The following PDE1C variants were observed in gnomAD, a reference collection of about 807,000 sequenced individuals.
PDE1C encodes phosphodiesterase 1C.
In PDE1C, 62 loss-of-function variants were observed where a neutral mutation model predicts 93.1. The observed-to-expected ratio is 0.67, with a 90% confidence interval of 0.54 to 0.82. PDE1C has a LOEUF of 0.82. PDE1C is among the 40% of genes least tolerant of loss of function. The probability of loss-of-function intolerance (pLI) is 0.00; values close to 1 mark genes in which losing one functional copy is unlikely to be tolerated. For synonymous variants in PDE1C, 325 were observed against 310.1 expected (o/e 1.05, Z -0.50); for missense variants, 742 against 884.6 (o/e 0.84, Z 2.04).
At chr7:31,695,405 C>T in the PDE1C span, 2 of 1,461,130 alleles carry the variant, frequency 1.4e-6, no homozygotes, top group African/African-American at 1.4e-5. Flanking sequence ...AGGAACCAAA[C>T]AGTTTGTGAC....
chr7:32,275,813 T>C (rs1426130675), intron 1 of PDE1C, among the ~76,000 whole-genome samples: 2 of 152,140 alleles, frequency 1.3e-5, no homozygotes, highest in Non-Finnish European at 2.9e-5. Flanking sequence ...CCACACAGAG[T>C]TGATGAATCA....
At chr7:32,276,564 T>C (rs1811303416) in intron 1 of PDE1C, among the ~76,000 whole-genome samples, 1 of 152,170 alleles carries the variant, frequency 6.6e-6, no homozygotes, top group Non-Finnish European at 1.5e-5. Flanking sequence ...TTTGCAAGAC[T>C]GTTCTGCGTG....
intron 2 of PDE1C, among the ~76,000 whole-genome samples, chr7:32,184,745 A>G (rs1459900168): frequency 6.6e-6 from 1 of 152,194 alleles, no homozygotes; most frequent in African/African-American, 2.4e-5. Context: ...ACATGTATAC[A>G]TATGTAAACC....
intron 1 of PDE1C, among the ~76,000 whole-genome samples, chr7:32,254,281 A>C (rs2128876985): frequency 6.6e-6 from 1 of 152,298 alleles, no homozygotes; most frequent in Non-Finnish European, 1.5e-5. Flanking sequence ...GTCCTATGTT[A>C]TGCAGGTGAG....
chr7:32,336,262 A>G (rs1783622164), intron 1 of PDE1C, among the ~76,000 whole-genome samples: 1 of 152,188 alleles, frequency 6.6e-6, no homozygotes, highest in Non-Finnish European at 1.5e-5. Context: ...TACTTCATGA[A>G]GGAGACTTCA....
At chr7:31,669,622 A>G in the PDE1C span, among the ~76,000 whole-genome samples, 1 of 152,196 alleles carries the variant, frequency 6.6e-6, no homozygotes, top group Non-Finnish European at 1.5e-5. Flanking sequence ...CTAAATTTGG[A>G]ACAGGAACAA....
intron 1 of PDE1C, among the ~76,000 whole-genome samples, chr7:32,349,599 G>A (rs1376285): frequency 0.97 from 147,469 of 152,356 alleles, 71,571 homozygotes; most frequent in East Asian, 1. Context: ...GCATTTGTCA[G>A]TTAGAGCTGT....
the PDE1C span, among the ~76,000 whole-genome samples, chr7:31,657,129 AATAT>A: frequency 1.3e-5 from 2 of 148,476 alleles, no homozygotes; most frequent in African/African-American, 2.5e-5. Flanking sequence ...ATATATATCA[AATAT>A]ATATAATCAT....
intron 16 of PDE1C, among the ~76,000 whole-genome samples, chr7:31,799,446 T>C (rs1178346417): frequency 6.6e-6 from 1 of 151,774 alleles, no homozygotes; most frequent in Non-Finnish European, 1.5e-5. Flanking sequence ...ATTAATGGCT[T>C]GGCAAATCAA....
At chr7:31,754,774 T>C (rs1480183749) in intron 17 of PDE1C, among the ~76,000 whole-genome samples, 1 of 152,144 alleles carries the variant, frequency 6.6e-6, no homozygotes, top group Non-Finnish European at 1.5e-5. Flanking sequence ...CACAGGGAAT[T>C]TCTAGGGCAG....
the PDE1C span, among the ~76,000 whole-genome samples, chr7:31,727,058 CA>C: frequency 4.6e-5 from 7 of 151,916 alleles, no homozygotes; most frequent in African/African-American, 1.5e-4. Context: ...AAAAAATTAA[CA>C]AAAAAAGATG....
intron 1 of PDE1C, among the ~76,000 whole-genome samples, chr7:32,067,152 T>C (rs553583685): frequency 6.6e-5 from 10 of 152,300 alleles, no homozygotes; most frequent in African/African-American, 2.4e-4. Flanking sequence ...AAAACTCACA[T>C]CTCCAATATT....
chr7:32,150,094 G>C (rs1226931253), intron 3 of PDE1C, among the ~76,000 whole-genome samples: 1 of 152,124 alleles, frequency 6.6e-6, no homozygotes, highest in East Asian at 1.9e-4. Context: ...GATGCCCAAG[G>C]TCACACAGCT....
intron 1 of PDE1C, among the ~76,000 whole-genome samples, chr7:32,261,727 A>G (rs1367935761): frequency 6.6e-6 from 1 of 152,228 alleles, no homozygotes; most frequent in East Asian, 1.9e-4. Flanking sequence ...AGTGTCTATA[A>G]ACGTTATAGT....
the PDE1C span, among the ~76,000 whole-genome samples, chr7:31,701,838 C>A: frequency 6.2e-4 from 95 of 152,198 alleles, 2 homozygotes; most frequent in Non-Finnish European, 1.5e-4. Flanking sequence ...AAGCTATGCT[C>A]ATTATTTTTA....
chr7:32,269,940 A>AT (rs1020991983), intron 1 of PDE1C, among the ~76,000 whole-genome samples: 7 of 150,418 alleles, frequency 4.7e-5, no homozygotes, highest in East Asian at 2.0e-4. Context: ...TGTCTGGCTA[A>AT]TTTTTTTTTA....
chr7:32,307,277 A>G (rs1008767739), intron 1 of PDE1C, among the ~76,000 whole-genome samples: 2 of 152,060 alleles, frequency 1.3e-5, no homozygotes, highest in African/African-American at 4.8e-5. Flanking sequence ...GCTGGCTCTC[A>G]TCTCATAGCT....
the PDE1C span, chr7:31,686,942 T>G: frequency 1.3e-5 from 2 of 152,164 alleles, no homozygotes; most frequent in African/African-American, 4.8e-5. Flanking sequence ...GTTTCCATAT[T>G]TACAAAATCA....
chr7:32,095,022 T>G (rs1797675859), intron 3 of PDE1C, among the ~76,000 whole-genome samples: 1 of 152,218 alleles, frequency 6.6e-6, no homozygotes, highest in Non-Finnish European at 1.5e-5. Context: ...CTGCATATCT[T>G]TCCACTAATT....
Sources: gnomAD v4.1 joint callset for allele counts (sites outside exome capture counted in the v4.1 genomes callset) on GRCh38, gnomAD v4.1.1 for gene constraint, MANE v1.5 for transcripts, NCBI Gene and HGNC (gene_info 2026-07-23, HGNC 2026-07-21) for gene names.